The following RAPGEF1 variants were observed in gnomAD, a reference collection of about 807,000 sequenced individuals.
RAPGEF1 encodes Rap guanine nucleotide exchange factor 1.
Under a neutral mutation model 143.3 loss-of-function variants are expected in RAPGEF1, and 33 were observed. The ratio of observed to expected loss-of-function variants is 0.23; its 90% CI spans 0.17 to 0.31. The LOEUF (loss-of-function observed/expected upper bound fraction) is 0.31. RAPGEF1 is among the 10% of genes least tolerant of loss of function. The pLI is 1.00. For missense variants in RAPGEF1, 1,199 were observed against 1,645.4 expected (o/e 0.73, Z 4.69); for synonymous variants, 629 against 676.5 (o/e 0.93, Z 1.09).
chr9:131,628,740 G>A lies in RAPGEF1; in HGVS notation c.894-68C>T, dbSNP rs1964022657. The A allele has an allele frequency of 6.6e-7, 1 of 1,518,606 alleles. No homozygotes were observed. The highest frequency in any genetic ancestry group is 1.3e-5 in the South Asian group (1 of 77,548). 94.1% of individuals were successfully genotyped at this position (1,518,606 alleles called of 1,614,324 possible). On this transcript the variant is annotated intron_variant, in intron 7 of 26. Coordinates refer to ENST00000683357, the MANE Select transcript of RAPGEF1 (RefSeq NM_001377935.1). This position sits in a 1 kb window ranked among gnomAD's most constrained non-coding sequence, Gnocchi z 5.7. Reference sequence around the variant, plus strand: ...CCAAAGCTCTTCAGCGTGATATTGGGGTACAGGATGTGGGGTTCTTTCATT... The same window carrying A: ...CCAAAGCTCTTCAGCGTGATATTGGAGTACAGGATGTGGGGTTCTTTCATT...
At chr9:131,623,989 G>C (rs1962127823) in intron 10 of RAPGEF1, among the ~76,000 whole-genome samples, 1 of 152,214 alleles carries the variant, frequency 6.6e-6, no homozygotes, top group South Asian at 2.1e-4. Flanking sequence ...ATGAGGCTCA[G>C]GGTGCCTAAG....
At chr9:131,629,318 C>T in intron 6 of RAPGEF1, 64 bp from the exon 7 acceptor site, 2 of 1,502,632 alleles carry the variant, frequency 1.3e-6, no homozygotes, top group South Asian at 1.2e-5. Context: ...ACACACAGGC[C>T]CTGAGAGGGT....
At position 131,596,365 on chromosome 9, in the gene RAPGEF1, G is replaced by A. The variant is rs200827749; in HGVS notation, c.2622C>T (p.Asp874=). 7.6e-5 allele frequency: 122 copies of A among 1,613,954 alleles called. No individual in the cohort carries two copies. The highest frequency in any genetic ancestry group is 4.9e-4 in the African/African-American group (37 of 75,038). ...SRLTLKQEGD[D]GPDVRGGSGD... is the part of the protein sequence containing the mutation. Reference sequence around the variant, plus strand: ...CAGATCCTCCGCGGACGTCCGGCCCGTCATCACCCTGTAATGAACACAGCC... The same window carrying A: ...CAGATCCTCCGCGGACGTCCGGCCCATCATCACCCTGTAATGAACACAGCC... The change falls in exon 17 of 27, where the codon GAC becomes GAT. Residue 874 remains aspartate (D), a synonymous_variant. Coordinates refer to ENST00000683357, the MANE Select transcript of RAPGEF1 (RefSeq NM_001377935.1).
Position 131,683,482 on chromosome 9 carries a change from A to G in RAPGEF1, c.62-32533T>C, listed in dbSNP as rs568960613. 2.6e-5 allele frequency among the ~76,000 whole-genome samples: 4 copies of G among 152,394 alleles called. No homozygotes were observed. The East Asian group carries it at 7.7e-4, about 29-fold the overall frequency. Reference sequence around the variant, plus strand: ...CAGTTATACAACCTATGGGAGCATTACAGCCAGGATTGCCTTCTCCTGTTA... The same window carrying G: ...CAGTTATACAACCTATGGGAGCATTGCAGCCAGGATTGCCTTCTCCTGTTA... On this transcript the variant is annotated intron_variant, in intron 1 of 26. Transcript: ENST00000683357.
At chr9:131,592,925 T>C (rs535938770) in intron 17 of RAPGEF1, among the ~76,000 whole-genome samples, 114 of 152,216 alleles carry the variant, frequency 7.5e-4, no homozygotes, top group African/African-American at 2.6e-3. Flanking sequence ...CTGATTTTAA[T>C]ACAGACAAGG....
intron 1 of RAPGEF1, among the ~76,000 whole-genome samples, chr9:131,738,536 G>A (rs1837560626): frequency 6.6e-6 from 1 of 152,176 alleles, no homozygotes; most frequent in Non-Finnish European, 1.5e-5. Flanking sequence ...CCTGGCTTCT[G>A]GTCAGAGGGC....
intron 15 of RAPGEF1, among the ~76,000 whole-genome samples, chr9:131,600,529 C>T (rs1248601589): frequency 6.6e-6 from 1 of 152,140 alleles, no homozygotes; most frequent in Non-Finnish European, 1.5e-5. Context: ...TGGCCCTCTT[C>T]AACAGGTCCC....
chr9:131,651,045 C>G, intron 1 of RAPGEF1, 96 bp from the exon 2 acceptor site: 1 of 1,401,888 alleles, frequency 7.1e-7, no homozygotes, highest in Non-Finnish European at 9.6e-7. Context: ...CCAAACCCAT[C>G]TTTTTTCTTG....
Position 131,626,039 on chromosome 9 carries a change from G to A in RAPGEF1, c.1585C>T (p.Pro529Ser), listed in dbSNP as rs757194093. 3 of 1,613,204 alleles carry A rather than the reference G, an allele frequency of 1.9e-6. No homozygotes were observed. Among genetic ancestry groups the A allele is most frequent in the Non-Finnish European group, 1.7e-6 (2 of 1,179,216 alleles). The change falls in exon 10 of 27, where the codon CCC (proline) becomes TCC (serine). Residue 529 changes from proline (P) to serine (S), a missense_variant. Physicochemically the swap from Pro to Ser is moderately conservative, Grantham distance 74. This residue lies in a region of RAPGEF1 where 613 missense variants were observed against 710.9 expected (regional missense o/e 0.86). Transcript: ENST00000683357. ...GCTGAGGAACCTCCATGCTGAAAGG[G>A]CAGAATAGCAGCAAAGGGCGCGTAG... is the stretch of plus-strand genomic sequence containing the variant. ...VPYAPFAAIL[P>S]FQHGGSSAPV...
chr9:131,687,874 C>T (rs1362249085), intron 1 of RAPGEF1, among the ~76,000 whole-genome samples: 1 of 152,236 alleles, frequency 6.6e-6, no homozygotes, highest in Non-Finnish European at 1.5e-5. Flanking sequence ...ACTCCACCAT[C>T]ACATGGGTCT....
At chr9:131,632,415 C>T (rs376091876) in intron 5 of RAPGEF1, among the ~76,000 whole-genome samples, 3 of 151,982 alleles carry the variant, frequency 2.0e-5, no homozygotes, top group South Asian at 2.1e-4. Flanking sequence ...GCGTGAGCCA[C>T]CGCGCCCGGC....
intron 22 of RAPGEF1, among the ~76,000 whole-genome samples, chr9:131,587,155 CACACCTGCAGAGCGAGACTCCGTCTCAA>C (rs1953215087): frequency 2.3e-5 from 3 of 133,236 alleles, no homozygotes; most frequent in Admixed American, 7.2e-5. Context: ...CACACACACA[CACACCTGCAGAGCGAGACTCCGTCTCAA>C]ACACACACAC....
At chr9:131,616,435 G>A (rs1959024152) in intron 12 of RAPGEF1, among the ~76,000 whole-genome samples, 1 of 152,134 alleles carries the variant, frequency 6.6e-6, no homozygotes, top group Admixed American at 6.5e-5. Context: ...CATGTCTTTT[G>A]CAACCCGGCC....
intron 17 of RAPGEF1, 105 bp from the exon 18 acceptor site, chr9:131,592,288 G>C (rs1048614412): frequency 1.1e-5 from 10 of 879,570 alleles, no homozygotes; most frequent in Admixed American, 2.0e-5. Flanking sequence ...AGGGGAGATG[G>C]CACGGGGAGT....
intron 4 of RAPGEF1, among the ~76,000 whole-genome samples, chr9:131,640,637 C>T (rs925082167): frequency 2.2e-4 from 34 of 152,132 alleles, no homozygotes; most frequent in Non-Finnish European, 1.3e-4. Flanking sequence ...GTGCCTCACT[C>T]GGGAATCCTC....
intron 1 of RAPGEF1, among the ~76,000 whole-genome samples, chr9:131,680,518 A>AC (rs1272287829): frequency 6.6e-6 from 1 of 152,224 alleles, no homozygotes; most frequent in Non-Finnish European, 1.5e-5. Context: ...AGGGCAAGGA[A>AC]CACCTGGCCC....
rs1199878670 is a variant in RAPGEF1 at position 131,588,890 on chromosome 9, C to G, written c.2964G>C (p.Arg988=). Residue 988 remains arginine, a synonymous_variant, in exon 20 of 27, where the codon CGG becomes CGC. Coordinates refer to ENST00000683357, the MANE Select transcript of RAPGEF1 (RefSeq NM_001377935.1). ...NGELSLARVL[R]KNILDKVDQK... ...GGTCCACCTTGTCCAGGATGTTCTT[C>G]CGGAGCACACGGGCCAGGCTCAGCT... is the stretch of plus-strand genomic sequence containing the variant. 3.1e-6 allele frequency: 5 copies of G among 1,613,958 alleles called. No individual in the cohort carries two copies. Among genetic ancestry groups the G allele is most frequent in the Non-Finnish European group, 4.2e-6 (5 of 1,179,868 alleles).
chr9:131,697,655 A>C (rs1834293863), intron 1 of RAPGEF1, among the ~76,000 whole-genome samples: 1 of 152,210 alleles, frequency 6.6e-6, no homozygotes, highest in Non-Finnish European at 1.5e-5. Context: ...GGCCTTGGAG[A>C]TGGCTCAAAG....
At position 131,583,211 on chromosome 9, in the gene RAPGEF1, G is replaced by A. The variant is rs947507771; in HGVS notation, c.3415-509C>T. ...GCAGGGGTGGGGGGCTCCCACCTAG[G>A]AGACTCAGCCAGCCCTGCCCCACTC... On this transcript the variant is annotated intron_variant, in intron 24 of 26. Coordinates refer to ENST00000683357, the MANE Select transcript of RAPGEF1 (RefSeq NM_001377935.1). This position sits in a 1 kb window ranked among gnomAD's most constrained non-coding sequence, Gnocchi z 4.7. 5.9e-5 allele frequency among the ~76,000 whole-genome samples: 9 copies of A among 152,126 alleles called. No homozygotes were observed. The highest frequency in any genetic ancestry group is 2.2e-4 in the African/African-American group (9 of 41,426).
Sources: allele counts gnomAD v4.1 joint callset (sites outside exome capture counted in the v4.1 genomes callset), GRCh38; gene constraint gnomAD v4.1.1; regional missense constraint gnomAD v4.1.1; non-coding constraint Gnocchi (gnomAD v3.1); transcripts MANE v1.5; gene names NCBI Gene and HGNC (gene_info 2026-07-23, HGNC 2026-07-21).